Variants in LRBA observed in about 807,000 individuals in gnomAD.
LRBA encodes the protein lipopolysaccharide-responsive and beige-like anchor protein.
LRBA carries 176 observed loss-of-function variants against 330.0 expected under a neutral mutation model. The observed-to-expected ratio is 0.53, with a 90% CI of 0.47 to 0.60. The LOEUF is 0.60. Among genes scored for constraint, LRBA ranks in the 20% least tolerant of loss-of-function variants. LRBA has a pLI of 0.00. For missense variants in LRBA, 3,259 were observed against 3,444.8 expected (o/e 0.95, Z 1.35); for synonymous variants, 1,230 against 1,193.0 (o/e 1.03, Z -0.64).
chr4:150,422,962 C>T (rs1749029394), intron 46 of LRBA: 1 of 782,130 alleles, frequency 1.3e-6, no homozygotes, highest in Non-Finnish European at 2.4e-6. Flanking sequence ...GTTCCCTAGC[C>T]CTGAGAAGTA....
At chr4:150,413,349 C>T (rs569531452) in intron 47 of LRBA, among the ~76,000 whole-genome samples, 31 of 151,730 alleles carry the variant, frequency 2.0e-4, no homozygotes, top group African/African-American at 5.8e-4. Context: ...AAGACTTATA[C>T]GCAAATATTT....
intron 36 of LRBA, among the ~76,000 whole-genome samples, chr4:150,709,682 T>C (rs1785989145): frequency 2.0e-5 from 3 of 151,842 alleles, no homozygotes; most frequent in Non-Finnish European, 2.9e-5. Context: ...AGACATAGAG[T>C]TCTTACCTTC....
chr4:150,766,170 T>C (rs1296886818), intron 34 of LRBA, among the ~76,000 whole-genome samples: 1 of 152,088 alleles, frequency 6.6e-6, no homozygotes, highest in Admixed American at 6.6e-5. Context: ...AATGTTCTCA[T>C]TAATTTTTTC....
chr4:150,393,298 G>T (rs1012193019), intron 47 of LRBA, among the ~76,000 whole-genome samples: 5 of 151,436 alleles, frequency 3.3e-5, no homozygotes, highest in Non-Finnish European at 5.9e-5. Context: ...TGAAACACTG[G>T]ACTTTCAGAA....
At chr4:150,896,053 T>G (rs1730046470) in intron 16 of LRBA, among the ~76,000 whole-genome samples, 1 of 152,230 alleles carries the variant, frequency 6.6e-6, no homozygotes, top group Non-Finnish European at 1.5e-5. Context: ...TTATGAATTT[T>G]TAAAACCTAA....
chr4:150,623,293 T>G (rs897584787), intron 37 of LRBA, among the ~76,000 whole-genome samples: 17 of 152,226 alleles, frequency 1.1e-4, no homozygotes, highest in African/African-American at 3.9e-4. Context: ...TCTAGGTATG[T>G]ATCCTAATAG....
intron 17 of LRBA, among the ~76,000 whole-genome samples, chr4:150,881,852 C>T (rs1409895376): frequency 2.6e-5 from 4 of 152,062 alleles, no homozygotes; most frequent in South Asian, 2.1e-4. Context: ...TTTGGGAGGC[C>T]GAGGTGGGCG....
chr4:150,314,709 A>G (rs1333648553), intron 51 of LRBA: 2 of 152,166 alleles, frequency 1.3e-5, no homozygotes, highest in African/African-American at 4.8e-5. Flanking sequence ...AAGTTATTAA[A>G]TAACATCTTC....
chr4:150,518,232 G>C (rs933496918), intron 40 of LRBA, among the ~76,000 whole-genome samples: 8 of 152,204 alleles, frequency 5.3e-5, no homozygotes, highest in Admixed American at 5.2e-4. Context: ...TAGTGGATCT[G>C]ATAACCTAAG....
intron 31 of LRBA, among the ~76,000 whole-genome samples, chr4:150,811,431 A>G (rs941691839): frequency 1.3e-5 from 2 of 151,908 alleles, no homozygotes; most frequent in African/African-American, 4.8e-5. Flanking sequence ...CTTTAGGAAA[A>G]AAAAAAAAAG....
At chr4:150,597,979 T>C (rs1410317744) in intron 38 of LRBA, among the ~76,000 whole-genome samples, 4 of 152,090 alleles carry the variant, frequency 2.6e-5, no homozygotes, top group African/African-American at 9.7e-5. Flanking sequence ...GACATTTTCT[T>C]CCAGAAATGG....
chr4:150,814,497 G>A (rs1744258465), intron 31 of LRBA, among the ~76,000 whole-genome samples: 1 of 151,798 alleles, frequency 6.6e-6, no homozygotes, highest in African/African-American at 2.4e-5. Context: ...CTGAAATAGA[G>A]AACCCATATG....
chr4:150,390,738 C>T (rs902978766), intron 47 of LRBA, among the ~76,000 whole-genome samples: 5 of 152,092 alleles, frequency 3.3e-5, no homozygotes. Flanking sequence ...CCCCCTAATA[C>T]CTTTATTCTT....
At chr4:150,944,477 T>C (rs1736026480) in intron 2 of LRBA, among the ~76,000 whole-genome samples, 1 of 152,160 alleles carries the variant, frequency 6.6e-6, no homozygotes, top group African/African-American at 2.4e-5. Flanking sequence ...ACATAATACT[T>C]GTATTTAATT....
chr4:150,622,431 G>C (rs866320865), intron 37 of LRBA, among the ~76,000 whole-genome samples: 1 of 152,148 alleles, frequency 6.6e-6, no homozygotes, highest in South Asian at 2.1e-4. Context: ...CCAGTTACTT[G>C]AGAGGCTAAA....
At chr4:150,442,646 G>A (rs1199305011) in intron 44 of LRBA, among the ~76,000 whole-genome samples, 1 of 152,124 alleles carries the variant, frequency 6.6e-6, no homozygotes, top group Non-Finnish European at 1.5e-5. Flanking sequence ...TAAAAGTAGG[G>A]TAGGCCACAG....
chr4:150,381,526 T>G lies in LRBA; in HGVS notation c.7195-31367A>C, dbSNP rs539798759. 1.4e-3 allele frequency among the ~76,000 whole-genome samples: 210 copies of G among 152,368 alleles called. 5 individuals carry two copies. In the South Asian group the frequency reaches 0.042, roughly 31 times the overall value. On this transcript the variant is annotated intron_variant, in intron 47 of 56. Transcript: ENST00000651943. ...GTTCATGCTGTAGCATGTCTCACTA[T>G]TTCACTTCTGTTTATGGCTGAATAA...
At chr4:150,358,002 C>T (rs1053943010) in intron 47 of LRBA, among the ~76,000 whole-genome samples, 1 of 152,004 alleles carries the variant, frequency 6.6e-6, no homozygotes, top group Non-Finnish European at 1.5e-5. Flanking sequence ...AACCAGATGG[C>T]CTGGAAAAAC....
At chr4:150,896,170 T>C (rs1730058564) in intron 16 of LRBA, among the ~76,000 whole-genome samples, 1 of 152,204 alleles carries the variant, frequency 6.6e-6, no homozygotes, top group Non-Finnish European at 1.5e-5. Context: ...CAATGAAATC[T>C]AATGTTAGTA....
Sources: allele counts gnomAD v4.1 joint callset (sites outside exome capture counted in the v4.1 genomes callset), GRCh38; gene constraint gnomAD v4.1.1; transcripts MANE v1.5; gene names NCBI Gene and HGNC (gene_info 2026-07-23, HGNC 2026-07-21).